The following IFT57 variants were observed in gnomAD, a reference collection of about 807,000 sequenced individuals.
IFT57 encodes intraflagellar transport protein 57 homolog.
IFT57 carries 59 observed loss-of-function variants against 56.8 expected under a neutral mutation model. The ratio of observed to expected loss-of-function variants is 1.04; its 90% CI spans 0.84 to 1.29. The LOEUF (loss-of-function observed/expected upper bound fraction) is 1.29. IFT57 is among the 50% of genes most tolerant of loss of function. The pLI, the probability that IFT57 is intolerant of heterozygous loss-of-function variation, is 0.00. For synonymous variants in IFT57, 209 were observed against 186.1 expected, an observed-to-expected ratio of 1.12 and a Z score of -1.00; for missense variants, 470 against 522.1, an observed-to-expected ratio of 0.90 and a Z score of 0.97.
Position 108,166,868 on chromosome 3 carries a change from C to T in IFT57, c.967G>A (p.Ala323Thr). ...NLVQEYRAAQAQLSEAKERYQ... is the reference protein window; with the variant it reads ...NLVQEYRAAQTQLSEAKERYQ... ...TCTTAAATTACCTCACTCAGCTGGG[C>T]TTGAGCTGCACGATATTCTTGAACC... The change falls in exon 8 of 11, where the codon GCC becomes ACC. Residue 323 changes from alanine (A) to threonine (T), a missense_variant. Physicochemically the swap from Ala to Thr is moderately conservative, Grantham distance 58. Coordinates refer to ENST00000264538, the MANE Select transcript of IFT57 (RefSeq NM_018010.4). 6.2e-7 allele frequency: 1 copy of T among 1,610,432 alleles called. No homozygotes were observed. The highest frequency in any genetic ancestry group is 8.5e-7 in the Non-Finnish European group (1 of 1,178,182).
chr3:108,195,933 T>C (rs982942544), intron 5 of IFT57, among the ~76,000 whole-genome samples: 1 of 152,118 alleles, frequency 6.6e-6, no homozygotes, highest in African/African-American at 2.4e-5. Flanking sequence ...GGTAGCACAA[T>C]AGGGCAACTA....
intron 5 of IFT57, among the ~76,000 whole-genome samples, chr3:108,203,127 C>T (rs1282479604): frequency 9.2e-5 from 14 of 152,230 alleles, no homozygotes; most frequent in Admixed American, 9.2e-4. Flanking sequence ...AGCCATTTCA[C>T]CTGGAGTATG....
intron 6 of IFT57, among the ~76,000 whole-genome samples, chr3:108,186,968 A>T (rs928523044): frequency 6.6e-6 from 1 of 152,228 alleles, no homozygotes; most frequent in African/African-American, 2.4e-5. Context: ...CATACAAAAT[A>T]TCTGTTAATT....
At position 108,220,449 on chromosome 3, in the gene IFT57, T is replaced by C. The variant is rs879301211; in HGVS notation, c.213-877A>G. On this transcript the variant is annotated intron_variant, in intron 1 of 10. Transcript: ENST00000264538. ...TAAAAATCTGTCGTGTACTCCTTCA[T>C]GTTTCCCAAACTTTTTCCTGCAGGA... Among the ~76,000 whole-genome samples the C allele has an allele frequency of 1.1e-4, 17 of 152,348 alleles. No homozygotes were observed. The East Asian group carries it at 1.3e-3, about 12-fold the overall frequency.
intron 2 of IFT57, 57 bp downstream of exon 2, chr3:108,219,353 C>G: frequency 7.2e-7 from 1 of 1,385,418 alleles, no homozygotes. Flanking sequence ...TATTAAATTA[C>G]CAGTATTAAA....
intron 9 of IFT57, among the ~76,000 whole-genome samples, chr3:108,164,467 T>C (rs2080050202): frequency 6.6e-6 from 1 of 152,092 alleles, no homozygotes; most frequent in African/African-American, 2.4e-5. Context: ...ATTTTTATCA[T>C]ACTGGTGAGT....
chr3:108,170,481 T>C (rs967388318), intron 6 of IFT57, among the ~76,000 whole-genome samples: 1 of 151,992 alleles, frequency 6.6e-6, no homozygotes, highest in Non-Finnish European at 1.5e-5. Flanking sequence ...TAAAAACCAC[T>C]GCTCAAGGAA....
At chr3:108,211,900 T>G (rs552754382) in intron 4 of IFT57, among the ~76,000 whole-genome samples, 2 of 152,344 alleles carry the variant, frequency 1.3e-5, no homozygotes, top group South Asian at 2.1e-4. Flanking sequence ...AACATAAAAT[T>G]TGGAATCATC....
At chr3:108,212,273 C>T (rs1272428456) in intron 4 of IFT57, among the ~76,000 whole-genome samples, 1 of 152,118 alleles carries the variant, frequency 6.6e-6, no homozygotes, top group Non-Finnish European at 1.5e-5. Context: ...GATGAGGACT[C>T]ACTCTATTGC....
At position 108,222,130 on chromosome 3, in the gene IFT57, T is replaced by A. The variant is rs534212230; in HGVS notation, c.193A>T (p.Asn65Tyr). The change falls in exon 1 of 11, where the codon AAC (asparagine) becomes TAC (tyrosine). Residue 65 changes from asparagine (N) to tyrosine (Y), a missense_variant. Asn to Tyr is a moderately radical substitution (Grantham distance 143). Transcript: ENST00000264538. ...RYEEEFLRKS[N>Y]LKAPSRHYFA... ...ACCCACCTGGACGGGGCCTTCAGGT[T>A]GCTCTTCCGGAGGAACTCCTCCTCG... 3 of 1,608,956 alleles carry A rather than the reference T, an allele frequency of 1.9e-6. No homozygotes were observed. In the South Asian group the frequency reaches 3.3e-5, roughly 18 times the overall value.
chr3:108,207,365 G>C (rs957200517), intron 4 of IFT57, among the ~76,000 whole-genome samples: 1 of 152,112 alleles, frequency 6.6e-6, no homozygotes, highest in Admixed American at 6.5e-5. Context: ...AGTAAATATG[G>C]AGTCTGAGCA....
At chr3:108,185,352 A>G (rs1197281244) in intron 6 of IFT57, among the ~76,000 whole-genome samples, 1 of 152,142 alleles carries the variant, frequency 6.6e-6, no homozygotes, top group South Asian at 2.1e-4. Context: ...GTTTGGCTTT[A>G]AGAAATGTCA....
intron 10 of IFT57, 80 bp from the exon 11 acceptor site, chr3:108,162,735 A>C: frequency 8.6e-7 from 1 of 1,168,612 alleles, no homozygotes; most frequent in Non-Finnish European, 1.1e-6. Context: ...CATTTTCCTC[A>C]CTTTGTCTTA....
chr3:108,175,488 G>C (rs2080119197), intron 6 of IFT57, among the ~76,000 whole-genome samples: 1 of 151,812 alleles, frequency 6.6e-6, no homozygotes. Flanking sequence ...CTGTGATGAA[G>C]TATCTGGAGA....
At chr3:108,186,935 A>G (rs993425066) in intron 6 of IFT57, among the ~76,000 whole-genome samples, 1 of 152,332 alleles carries the variant, frequency 6.6e-6, no homozygotes, top group African/African-American at 2.4e-5. Context: ...TTATTGTAAG[A>G]ATACAGAATA....
At position 108,170,520 on chromosome 3, in the gene IFT57, A is replaced by G. The variant is rs532837260; in HGVS notation, c.778-2656T>C. ...AGAAAGGCCACAAACAAGTGGAAAA[A>G]CATTCCATGCTCATGGATAGGAAGA... On this transcript the variant is annotated intron_variant, in intron 6 of 10. Transcript: ENST00000264538. Among the ~76,000 whole-genome samples, 13 of 152,188 alleles carry G rather than the reference A, an allele frequency of 8.5e-5. No homozygotes were observed. The South Asian group carries it at 2.5e-3, about 29-fold the overall frequency.
intron 5 of IFT57, among the ~76,000 whole-genome samples, chr3:108,204,110 C>T (rs1189016384): frequency 6.6e-6 from 1 of 152,036 alleles, no homozygotes; most frequent in East Asian, 1.9e-4. Context: ...AAGAGCAGCC[C>T]AAACCATCAT....
intron 5 of IFT57, among the ~76,000 whole-genome samples, chr3:108,195,258 G>T (rs1357171915): frequency 1.3e-5 from 2 of 151,984 alleles, no homozygotes; most frequent in African/African-American, 2.4e-5. Context: ...AGAGAAATGC[G>T]AACCAAAACC....
intron 1 of IFT57, among the ~76,000 whole-genome samples, chr3:108,220,966 TG>T (rs1279064711): frequency 6.6e-6 from 1 of 152,190 alleles, no homozygotes; most frequent in Non-Finnish European, 1.5e-5. Context: ...AAAATATACT[TG>T]GAAAAAAATG....
Sources: gnomAD v4.1 joint callset for allele counts (sites outside exome capture counted in the v4.1 genomes callset) on GRCh38, gnomAD v4.1.1 for gene constraint, MANE v1.5 for transcripts, NCBI Gene and HGNC (gene_info 2026-07-23, HGNC 2026-07-21) for gene names.